AFF1: variants seen among roughly 807,000 people sequenced by gnomAD.
AFF1 encodes AF4/FMR2 family member 1.
Under a neutral mutation model 121.7 loss-of-function variants are expected in AFF1, and 48 were observed. The observed-to-expected ratio is 0.39, with a 90% CI of 0.31 to 0.50. The LOEUF is 0.50. Among genes scored for constraint, AFF1 ranks in the 20% least tolerant of loss-of-function variants. The pLI is 0.76. For missense variants in AFF1, 1,523 were observed against 1,511.7 expected (o/e 1.01, Z -0.12); for synonymous variants, 613 against 563.0 (o/e 1.09, Z -1.26).
chr4:87,139,894 A>T lies in AFF1; in HGVS notation c.*4193A>T, dbSNP rs771483603. ...ATTGTGAGCACTGACCATGTTCTTC[A>T]GTTCTTAATTATGGTGAGTTGACAA... On this transcript the variant is annotated 3_prime_UTR_variant, in exon 21 of 21. Transcript: ENST00000395146. 15 of 220,180 alleles carry T rather than the reference A, an allele frequency of 6.8e-5. No individual in the cohort carries two copies. Among genetic ancestry groups the T allele is most frequent in the Admixed American group, 4.1e-4 (7 of 17,270 alleles). 13.6% of individuals were successfully genotyped at this position (220,180 alleles called of 1,614,324 possible).
chr4:86,964,204 A>G (rs1261949422), intron 2 of AFF1, among the ~76,000 whole-genome samples: 2 of 150,264 alleles, frequency 1.3e-5, no homozygotes, highest in Non-Finnish European at 3.0e-5. Flanking sequence ...GCTCACTGCA[A>G]TCTCTGCCTC....
intron 2 of AFF1, among the ~76,000 whole-genome samples, chr4:87,003,860 G>T (rs574785561): frequency 3.3e-5 from 5 of 152,174 alleles, no homozygotes; most frequent in Non-Finnish European, 7.4e-5. Flanking sequence ...GCGTACAAAG[G>T]TATTTTGTTG....
chr4:87,009,696 T>A (rs1207419145), intron 2 of AFF1, among the ~76,000 whole-genome samples: 1 of 152,204 alleles, frequency 6.6e-6, no homozygotes. Flanking sequence ...AAGGTAATCT[T>A]TGAGATCCAA....
At chr4:87,119,138 C>T (rs1578292296) in intron 12 of AFF1, among the ~76,000 whole-genome samples, 1 of 152,186 alleles carries the variant, frequency 6.6e-6, no homozygotes. Context: ...GGGTTACAGG[C>T]ATGAGTCACC....
intron 7 of AFF1, 22 bp downstream of exon 7, chr4:87,091,851 T>C: frequency 6.5e-7 from 1 of 1,541,826 alleles, no homozygotes; most frequent in African/African-American, 1.4e-5. Flanking sequence ...TGAAACTGCT[T>C]ATTGGATTGG....
chr4:87,041,462 C>T (rs1730141591), intron 2 of AFF1, among the ~76,000 whole-genome samples: 1 of 152,170 alleles, frequency 6.6e-6, no homozygotes. Context: ...AGGCCTACTG[C>T]CTTAGAAACT....
In AFF1 at chr4:87,134,560, G is replaced by A. The variant is rs1729139075; in HGVS notation, c.3401G>A (p.Ser1134Asn). The A allele has an allele frequency of 6.2e-7, 1 of 1,614,138 alleles. No individual in the cohort carries two copies. The highest frequency in any genetic ancestry group is 8.5e-7 in the Non-Finnish European group (1 of 1,180,026). ...SQSSAGSVGSSGVAATISTPV... is the reference protein window; with the variant it reads ...SQSSAGSVGSNGVAATISTPV... The stretch of plus-strand genomic sequence containing the variant: ...TCAAGTGCTGGCAGTGTGGGGAGCA[G>A]TGGGGTGGCTGCCACTATCAGCACC... The change falls in exon 20 of 21, where the codon AGT becomes AAT. Residue 1134 changes from serine (S) to asparagine (N), a missense_variant. This residue lies in a region of AFF1 where 241 missense variants were observed against 265.2 expected (regional missense o/e 0.91). Transcript: ENST00000395146.
chr4:87,061,698 A>G (rs1363639043), intron 4 of AFF1, among the ~76,000 whole-genome samples: 8 of 152,076 alleles, frequency 5.3e-5, no homozygotes, highest in African/African-American at 1.9e-4. Flanking sequence ...CACCTGCTTG[A>G]TCCCTGTAAC....
At chr4:87,131,909 A>G in intron 18 of AFF1, 45 bp downstream of exon 18, 3 of 1,435,682 alleles carry the variant, frequency 2.1e-6, no homozygotes, top group Non-Finnish European at 2.8e-6. Context: ...TTGTTTTTGC[A>G]TCTGTTGATG....
intron 2 of AFF1, among the ~76,000 whole-genome samples, chr4:87,022,649 T>C (rs1423084134): frequency 1.4e-5 from 2 of 142,588 alleles, no homozygotes; most frequent in African/African-American, 5.0e-5. Flanking sequence ...TATATATGTG[T>C]GTGTATATAT....
intron 1 of AFF1, among the ~76,000 whole-genome samples, chr4:86,943,330 C>G (rs941443010): frequency 4.6e-5 from 7 of 152,182 alleles, no homozygotes; most frequent in Non-Finnish European, 8.8e-5. Context: ...AGGGGTAGAT[C>G]TCTCTACTAG....
At chr4:87,084,261 G>A (rs1723462538) in intron 5 of AFF1, 97 bp downstream of exon 5, 1 of 1,325,036 alleles carries the variant, frequency 7.5e-7, no homozygotes, top group African/African-American at 1.4e-5. Flanking sequence ...GCCATTGGCT[G>A]GGTGCGGTGG....
At position 87,115,011 on chromosome 4, in the gene AFF1, C is replaced by T. The variant is rs1393286820; in HGVS notation, c.2178C>T (p.Ser726=). ...GCCCACCCCACAGTGGCAGCGGCAG[C>T]AGGACTAGTGGCTGCCGCCAAGCCG... ...SQGPPHSGSG[S]RTSGCRQAVV... The change falls in exon 12 of 21, where the codon AGC becomes AGT. Residue 726 remains serine (S), a synonymous_variant. Coordinates refer to ENST00000395146, the MANE Select transcript of AFF1 (RefSeq NM_001166693.3). 1 of 1,613,544 alleles carries T rather than the reference C, an allele frequency of 6.2e-7. No homozygotes were observed. Among genetic ancestry groups the T allele is most frequent in the Non-Finnish European group, 8.5e-7 (1 of 1,179,862 alleles).
At chr4:87,120,287 G>A (rs1379681558) in intron 12 of AFF1, among the ~76,000 whole-genome samples, 4 of 152,102 alleles carry the variant, frequency 2.6e-5, no homozygotes, top group Non-Finnish European at 5.9e-5. Flanking sequence ...CTCCTTCCGA[G>A]GCGAATCACA....
rs75323153 is a variant in AFF1, at chr4:86,980,531, A to T, written c.38+31960A>T. On this transcript the variant is annotated intron_variant, in intron 2 of 20. Transcript: ENST00000395146. ...GGAAACCCATTTGGGATTTCAACAC[A>T]CTAGAGTATTAATATACCTGTAAAA... 3.9e-3 allele frequency among the ~76,000 whole-genome samples: 592 copies of T among 152,254 alleles called. 3 individuals are homozygous for T. Among genetic ancestry groups the T allele is most frequent in the African/African-American group, 0.013 (556 of 41,538 alleles).
At chr4:87,061,801 C>G (rs1720815480) in intron 4 of AFF1, among the ~76,000 whole-genome samples, 1 of 152,114 alleles carries the variant, frequency 6.6e-6, no homozygotes, top group South Asian at 2.1e-4. Flanking sequence ...TCCAGACATG[C>G]AAAAGACCTA....
intron 4 of AFF1, 87 bp downstream of exon 4, chr4:87,047,681 A>G: frequency 6.4e-7 from 1 of 1,563,094 alleles, no homozygotes; most frequent in Non-Finnish European, 8.8e-7. Flanking sequence ...CAAGGTGGGG[A>G]GGTTAGTCCA....
intron 2 of AFF1, chr4:86,949,646 G>T (rs2149451626): frequency 1.3e-6 from 2 of 1,522,918 alleles, no homozygotes; most frequent in Non-Finnish European, 1.8e-6. Context: ...GAGGGGCTGA[G>T]CCTCAGCAGG....
chr4:86,981,870 TC>T (rs1220512941), intron 2 of AFF1, among the ~76,000 whole-genome samples: 1 of 152,190 alleles, frequency 6.6e-6, no homozygotes, highest in African/African-American at 2.4e-5. Flanking sequence ...TGGTGACTGG[TC>T]ACTAACATCT....
Sources: allele counts gnomAD v4.1 joint callset (sites outside exome capture counted in the v4.1 genomes callset), GRCh38; gene constraint gnomAD v4.1.1; regional missense constraint gnomAD v4.1.1; transcripts MANE v1.5; gene names NCBI Gene and HGNC (gene_info 2026-07-23, HGNC 2026-07-21).